Variants in RS1 observed in about 807,000 individuals in gnomAD.
The protein encoded by RS1 is retinoschisin.
In RS1, 2 loss-of-function variants were observed where a neutral mutation model predicts 20.8. The ratio of observed to expected loss-of-function variants is 0.10; its 90% CI spans 0.04 to 0.30. The LOEUF is 0.30. RS1 is among the 10% of genes least tolerant of loss of function. RS1 has a pLI of 1.00. For synonymous variants in RS1, 70 were observed against 75.8 expected, an observed-to-expected ratio of 0.92 and a Z score of 0.40; for missense variants, 151 against 189.8, an observed-to-expected ratio of 0.80 and a Z score of 1.20.
At chrX:18,661,018 T>C (rs777110787) in intron 1 of RS1, among the ~76,000 whole-genome samples, 1 of 112,189 alleles carries the variant, frequency 8.9e-6, no homozygotes, top group Non-Finnish European at 1.9e-5. Context: ...TCACCCGCTA[T>C]GGGCAGAATT....
At chrX:18,657,082 G>A (rs948944391) in intron 2 of RS1, among the ~76,000 whole-genome samples, 3 of 110,531 alleles carry the variant, frequency 2.7e-5, no homozygotes, top group African/African-American at 9.9e-5. Flanking sequence ...TCCCCTGGAA[G>A]TTCCTATGGG....
intron 1 of RS1, among the ~76,000 whole-genome samples, chrX:18,671,499 G>C (rs1928490491): frequency 9.0e-6 from 1 of 111,647 alleles, no homozygotes; most frequent in East Asian, 2.8e-4. Flanking sequence ...CTCTCAGTTG[G>C]ATTATGTTTT....
chrX:18,651,696 T>A (rs758273462), intron 3 of RS1, among the ~76,000 whole-genome samples: 2 of 111,693 alleles, frequency 1.8e-5, no homozygotes, highest in Non-Finnish European at 3.8e-5. Context: ...AAAAATCCTG[T>A]CTGCACACTC....
intron 3 of RS1, among the ~76,000 whole-genome samples, chrX:18,649,314 C>T (rs1360556506): frequency 9.0e-6 from 1 of 111,521 alleles, no homozygotes; most frequent in Non-Finnish European, 1.9e-5. Context: ...TAGCTCTCTG[C>T]AACTCTAACT....
intron 2 of RS1, 152 bp downstream of exon 2, chrX:18,657,488 G>A (rs771752111): frequency 1.0e-4 from 47 of 466,937 alleles, no homozygotes; most frequent in Non-Finnish European, 1.6e-4. Flanking sequence ...CTCCCAAAGT[G>A]TTGGGATTAC....
intron 3 of RS1, among the ~76,000 whole-genome samples, chrX:18,649,353 T>C (rs994811733): frequency 1.8e-5 from 2 of 111,787 alleles, no homozygotes; most frequent in African/African-American, 6.5e-5. Flanking sequence ...TCCCACCTCA[T>C]TCTCCTAGTT....
intron 1 of RS1, among the ~76,000 whole-genome samples, chrX:18,667,900 G>A (rs750238078): frequency 2.9e-4 from 33 of 111,938 alleles, no homozygotes; most frequent in South Asian, 2.2e-3. Flanking sequence ...AACGACAGGC[G>A]TTTTACAGAA....
rs371251209 is a variant in RS1, at chrX:18,641,979, G to A, written c.*25C>T. On this transcript the variant is annotated 3_prime_UTR_variant, in exon 6 of 6. Transcript: ENST00000379984. ...GCCCGCTCTGTGCCAGTCACCCCCT[G>A]GCAGGCGCCGAGCTGAGGCAGGCAT... The A allele has an allele frequency of 2.0e-5, 24 of 1,207,971 alleles. No individual in the cohort carries two copies. The African/African-American group carries it at 3.3e-4, about 17-fold the overall frequency.
intron 2 of RS1, among the ~76,000 whole-genome samples, chrX:18,657,217 C>T (rs866397200): frequency 4.9e-4 from 32 of 65,131 alleles, no homozygotes; most frequent in South Asian, 2.8e-3. Flanking sequence ...AAAAAAAATA[C>T]TTTTTTTTTT....
At chrX:18,655,862 A>T (rs950611846) in intron 3 of RS1, among the ~76,000 whole-genome samples, 1 of 110,906 alleles carries the variant, frequency 9.0e-6, no homozygotes, top group African/African-American at 3.3e-5. Context: ...AAAAAGTGGC[A>T]GTCCCAGAGT....
chrX:18,642,692 C>A (rs996101457), intron 5 of RS1, among the ~76,000 whole-genome samples: 2 of 112,661 alleles, frequency 1.8e-5, no homozygotes, highest in African/African-American at 6.4e-5. Flanking sequence ...TGTATTCCTA[C>A]TTTGATACAA....
intron 3 of RS1, chrX:18,653,631 G>A (rs977085612): frequency 1.8e-6 from 2 of 1,097,772 alleles, no homozygotes; most frequent in Non-Finnish European, 1.2e-6. Context: ...AACCATTAAC[G>A]CTGAGGTTGA....
At position 18,646,239 on chromosome X, in the gene RS1, C is replaced by T. The variant is rs748394061; in HGVS notation, c.326+952G>A. 4,150 of 914,858 alleles carry T rather than the reference C, an allele frequency of 4.5e-3. 19 individuals are homozygous for T. The highest frequency in any genetic ancestry group is 0.015 in the Middle Eastern group (37 of 2,438). The allele number at this position is 914,858 out of a possible 1,213,427, so 75.4% of individuals were successfully genotyped here. On this transcript the variant is annotated intron_variant, in intron 4 of 5. Coordinates refer to ENST00000379984, the MANE Select transcript of RS1 (RefSeq NM_000330.4). ...CACAATCTCGGCTCACTGCAACCTC[C>T]GCCTCCCAGGTTCAAGTGATTCTCC... is the stretch of plus-strand genomic sequence containing the variant.
At chrX:18,651,557 C>T (rs753354147) in intron 3 of RS1, among the ~76,000 whole-genome samples, 2 of 111,013 alleles carry the variant, frequency 1.8e-5, no homozygotes, top group East Asian at 2.9e-4. Context: ...GAAGGTCCCT[C>T]GGACTGAGTA....
intron 3 of RS1, among the ~76,000 whole-genome samples, chrX:18,651,277 GAGAGAGAGAGACAGAGAGACAC>G (rs1344248856): frequency 9.2e-6 from 1 of 108,713 alleles, no homozygotes; most frequent in East Asian, 3.0e-4. Context: ...GAGAGAGAGA[GAGAGAGAGAGACAGAGAGACAC>G]AGAGAGAGAC....
At chrX:18,650,863 G>A (rs1395819446) in intron 3 of RS1, among the ~76,000 whole-genome samples, 1 of 112,289 alleles carries the variant, frequency 8.9e-6, no homozygotes, top group Non-Finnish European at 1.9e-5. Context: ...CTCCTCATCT[G>A]TGAAATGGGG....
At chrX:18,657,902 G>A (rs1454505545) in intron 1 of RS1, among the ~76,000 whole-genome samples, 5 of 111,796 alleles carry the variant, frequency 4.5e-5, no homozygotes, top group African/African-American at 1.3e-4. Context: ...CCGGTGCAGC[G>A]GCTCACACCT....
Position 18,672,107 on chromosome X carries a change from C to G in RS1, c.-39G>C. 8.7e-7 allele frequency: 1 copy of G among 1,147,578 alleles called. No individual in the cohort carries two copies. The highest frequency in any genetic ancestry group is 2.2e-5 in the Admixed American group (1 of 45,698). 94.6% of individuals were successfully genotyped at this position (1,147,578 alleles called of 1,213,427 possible). On this transcript the variant is annotated 5_prime_UTR_variant, in exon 1 of 6. Transcript: ENST00000379984. Reference sequence around the variant, plus strand: ...TCGGCCAAAGCTCTACCTTACTGAACTGGAGAGCTGGCCCAGGAGCAGGGG... The same window carrying G: ...TCGGCCAAAGCTCTACCTTACTGAAGTGGAGAGCTGGCCCAGGAGCAGGGG...
rs184786648 is a variant in RS1, at chrX:18,665,091, C to T, written c.52+6926G>A. 2.7e-5 allele frequency among the ~76,000 whole-genome samples: 3 copies of T among 112,144 alleles called. No homozygotes were observed. The East Asian group carries it at 8.5e-4, about 32-fold the overall frequency. On this transcript the variant is annotated intron_variant, in intron 1 of 5. Coordinates refer to ENST00000379984, the MANE Select transcript of RS1 (RefSeq NM_000330.4). ...ACCCCATCCAGAAGGCTCCTCCAAG[C>T]CTCCTCTTTTTCCTAAATCCCTACC...
Sources: allele counts gnomAD v4.1 joint callset (sites outside exome capture counted in the v4.1 genomes callset), GRCh38; gene constraint gnomAD v4.1.1; transcripts MANE v1.5; gene names NCBI Gene and HGNC (gene_info 2026-07-23, HGNC 2026-07-21).